SLC35F1: variants seen among roughly 807,000 people sequenced by gnomAD.
SLC35F1 encodes chromosome 6 open reading frame 169.
A neutral mutation model predicts 48.7 loss-of-function variants in SLC35F1; 14 were observed. The observed-to-expected ratio is 0.29, with a 90% confidence interval of 0.19 to 0.45. SLC35F1 has a LOEUF of 0.45. SLC35F1 is among the 20% of genes least tolerant of loss of function. The probability of loss-of-function intolerance (pLI) is 1.00; values close to 1 mark genes in which losing one functional copy is unlikely to be tolerated. For missense variants in SLC35F1, 404 were observed against 500.0 expected (o/e 0.81, Z 1.83); for synonymous variants, 190 against 202.2 (o/e 0.94, Z 0.51).
At chr6:118,265,079 A>C (rs1346946936) in intron 3 of SLC35F1, among the ~76,000 whole-genome samples, 1 of 152,176 alleles carries the variant, frequency 6.6e-6, no homozygotes, top group African/African-American at 2.4e-5. Context: ...GGGATAGCTT[A>C]CTATTCTGAG....
chr6:118,287,238 G>C (rs1334055463), intron 7 of SLC35F1, among the ~76,000 whole-genome samples: 5 of 152,122 alleles, frequency 3.3e-5, no homozygotes. Flanking sequence ...CCAGAGCTCT[G>C]GGGAACACCT....
At chr6:118,223,873 G>A (rs1007467493) in intron 2 of SLC35F1, among the ~76,000 whole-genome samples, 1 of 152,220 alleles carries the variant, frequency 6.6e-6, no homozygotes, top group African/African-American at 2.4e-5. Flanking sequence ...TCAGCAAGTG[G>A]CAGTAGTCTG....
chr6:118,017,468 A>G (rs2114881497), intron 1 of SLC35F1, among the ~76,000 whole-genome samples: 1 of 152,364 alleles, frequency 6.6e-6, no homozygotes, highest in Non-Finnish European at 1.5e-5. Context: ...CAGCAGGATC[A>G]TCTGCTCTTG....
intron 3 of SLC35F1, among the ~76,000 whole-genome samples, chr6:118,254,040 A>G (rs1299054224): frequency 6.6e-5 from 10 of 152,096 alleles, no homozygotes; most frequent in African/African-American, 2.4e-4. Flanking sequence ...GAGACAGCAG[A>G]TGGGGAGAGG....
chr6:118,286,888 T>C (rs1776057823), intron 7 of SLC35F1, among the ~76,000 whole-genome samples: 1 of 152,002 alleles, frequency 6.6e-6, no homozygotes, highest in South Asian at 2.1e-4. Flanking sequence ...ATCATCACCA[T>C]GCTGTATGTT....
At chr6:117,928,948 A>G (rs1178896750) in intron 1 of SLC35F1, among the ~76,000 whole-genome samples, 1 of 152,146 alleles carries the variant, frequency 6.6e-6, no homozygotes, top group East Asian at 1.9e-4. Context: ...CTAGTCTTAA[A>G]AACTTGAGAA....
At chr6:118,284,092 A>G (rs760449479) in intron 6 of SLC35F1, among the ~76,000 whole-genome samples, 1 of 152,190 alleles carries the variant, frequency 6.6e-6, no homozygotes, top group South Asian at 2.1e-4. Flanking sequence ...CACTTTTCAT[A>G]TGGGTAAACC....
At chr6:117,948,736 G>A (rs1562245766) in intron 1 of SLC35F1, among the ~76,000 whole-genome samples, 1 of 152,094 alleles carries the variant, frequency 6.6e-6, no homozygotes, top group Non-Finnish European at 1.5e-5. Flanking sequence ...GCTGATGTGT[G>A]CTATAGTGGA....
intron 6 of SLC35F1, among the ~76,000 whole-genome samples, chr6:118,279,249 T>C (rs544314605): frequency 8.6e-4 from 131 of 152,348 alleles, no homozygotes; most frequent in Non-Finnish European, 1.4e-3. Context: ...TGCATGCATG[T>C]ATCAAACTAT....
chr6:118,071,396 G>A (rs141298105), intron 1 of SLC35F1, among the ~76,000 whole-genome samples: 1,951 of 151,460 alleles, frequency 0.013, 24 homozygotes, highest in Middle Eastern at 0.045. Context: ...TATCTTCAAA[G>A]TCATATTAGA....
At chr6:117,969,105 G>A (rs1776607254) in intron 1 of SLC35F1, among the ~76,000 whole-genome samples, 2 of 152,154 alleles carry the variant, frequency 1.3e-5, no homozygotes, top group Admixed American at 6.5e-5. Flanking sequence ...TTGGATGGAT[G>A]TATTTCAGCT....
chr6:117,910,837 C>A (rs1288330428), intron 1 of SLC35F1, among the ~76,000 whole-genome samples: 2 of 152,268 alleles, frequency 1.3e-5, no homozygotes, highest in Middle Eastern at 3.4e-3. Context: ...ATCTGACAAC[C>A]CAGAGGAAGA....
At chr6:118,267,872 G>A (rs890794140) in intron 4 of SLC35F1, among the ~76,000 whole-genome samples, 3 of 152,066 alleles carry the variant, frequency 2.0e-5, no homozygotes, top group Non-Finnish European at 4.4e-5. Context: ...CCTTTTTAAA[G>A]CATTGCAATT....
At chr6:118,217,592 T>C (rs941654559) in intron 2 of SLC35F1, among the ~76,000 whole-genome samples, 6 of 152,264 alleles carry the variant, frequency 3.9e-5, no homozygotes, top group African/African-American at 1.4e-4. Flanking sequence ...GTCCCTGAAC[T>C]GTGCACTTAA....
chr6:118,127,347 G>A (rs981803657), intron 1 of SLC35F1, among the ~76,000 whole-genome samples: 83 of 152,102 alleles, frequency 5.5e-4, no homozygotes, highest in African/African-American at 2.0e-3. Flanking sequence ...AATCATGGTG[G>A]ATAAGCTTTT....
intron 3 of SLC35F1, among the ~76,000 whole-genome samples, chr6:118,257,222 A>G (rs1197647414): frequency 6.6e-6 from 1 of 151,874 alleles, no homozygotes; most frequent in Non-Finnish European, 1.5e-5. Flanking sequence ...CTCCACCCCA[A>G]AGAGGAAATA....
chr6:118,266,645 C>T (rs989872149), intron 3 of SLC35F1, among the ~76,000 whole-genome samples: 9 of 152,214 alleles, frequency 5.9e-5, no homozygotes, highest in African/African-American at 9.6e-5. Context: ...TGTACTGTCC[C>T]CGAACCAAAG....
At chr6:118,079,867 G>A (rs1302319172) in intron 1 of SLC35F1, among the ~76,000 whole-genome samples, 1 of 152,094 alleles carries the variant, frequency 6.6e-6, no homozygotes, top group Non-Finnish European at 1.5e-5. Flanking sequence ...TCTCTCCTTT[G>A]TCTAGTACAC....
chr6:118,256,417 G>A (rs988852397), intron 3 of SLC35F1, among the ~76,000 whole-genome samples: 1 of 152,126 alleles, frequency 6.6e-6, no homozygotes, highest in Admixed American at 6.6e-5. Flanking sequence ...TCACCTACCA[G>A]TTGCCTCAGG....
Sources: gnomAD v4.1 joint callset for allele counts (sites outside exome capture counted in the v4.1 genomes callset) on GRCh38, gnomAD v4.1.1 for gene constraint, MANE v1.5 for transcripts, NCBI Gene and HGNC (gene_info 2026-07-23, HGNC 2026-07-21) for gene names.